GNAO1: variants seen among roughly 807,000 people sequenced by gnomAD.
The protein encoded by GNAO1 is guanine nucleotide-binding protein G(o) subunit alpha.
For missense variants in GNAO1, 166 were observed against 478.7 expected (o/e 0.35, Z 6.10); for synonymous variants, 164 against 180.7 (o/e 0.91, Z 0.74).
chr16:56,282,012 GC>G (rs1393028921), intron 3 of GNAO1, among the ~76,000 whole-genome samples: 3 of 152,176 alleles, frequency 2.0e-5, no homozygotes, highest in African/African-American at 7.2e-5. Context: ...CTTGTATGAG[GC>G]TTTATTCAGT....
intron 3 of GNAO1, among the ~76,000 whole-genome samples, chr16:56,309,279 T>C (rs1285549493): frequency 6.6e-6 from 1 of 152,186 alleles, no homozygotes; most frequent in Non-Finnish European, 1.5e-5. Flanking sequence ...CCTGCAACTG[T>C]GTCCGGGATA....
At chr16:56,241,742 C>T (rs970038351) in intron 2 of GNAO1, among the ~76,000 whole-genome samples, 4 of 152,214 alleles carry the variant, frequency 2.6e-5, no homozygotes, top group African/African-American at 9.6e-5. Context: ...TGAACCAGAC[C>T]TGCTGCTTTC....
chr16:56,335,943 G>A (rs1372848651), intron 5 of GNAO1, among the ~76,000 whole-genome samples: 4 of 152,184 alleles, frequency 2.6e-5, no homozygotes, highest in Admixed American at 6.5e-5. Flanking sequence ...CAGTCACTCC[G>A]TTGTGTCCGG....
Position 56,235,425 on chromosome 16 carries a change from C to T in GNAO1, c.162-40506C>T, listed in dbSNP as rs185094872. ...AGAACTGAAGGCCGGCGGGACACTA[C>T]GCAGTCCAGGCAAGGGGCTCTGCTG... On this transcript the variant is annotated intron_variant, in intron 2 of 8. Coordinates refer to ENST00000262493, the MANE Select transcript of GNAO1 (RefSeq NM_020988.3). The T allele has an allele frequency of 1.1e-4, 52 of 455,948 alleles. No homozygotes were observed. In the East Asian group the frequency reaches 3.0e-3, roughly 26 times the overall value. The allele number at this position is 455,948 out of a possible 1,614,324, so 28.2% of individuals were successfully genotyped here. A position where few individuals can be genotyped will look rare whatever the true frequency, so the allele number is the denominator to read the frequency against.
intron 3 of GNAO1, among the ~76,000 whole-genome samples, chr16:56,325,842 T>G (rs1375050416): frequency 6.6e-6 from 1 of 152,194 alleles, no homozygotes; most frequent in Non-Finnish European, 1.5e-5. Flanking sequence ...CCCTGCTTCT[T>G]TCTGGTAGCT....
chr16:56,287,292 C>A (rs1017965749), intron 3 of GNAO1, among the ~76,000 whole-genome samples: 3 of 152,146 alleles, frequency 2.0e-5, no homozygotes, highest in African/African-American at 7.2e-5. Context: ...CTAGTCAACA[C>A]CTCGCTTCAA....
intron 7 of GNAO1, chr16:56,352,018 G>A (rs545676912): frequency 4.4e-5 from 7 of 157,628 alleles, no homozygotes; most frequent in Admixed American, 1.9e-4. Flanking sequence ...TTTGGTGCCC[G>A]GAACATGCTT....
intron 3 of GNAO1, among the ~76,000 whole-genome samples, chr16:56,299,307 C>A (rs948436988): frequency 1.3e-5 from 2 of 152,260 alleles, no homozygotes; most frequent in Non-Finnish European, 2.9e-5. Flanking sequence ...TTTCTCACTG[C>A]TTTCTGAAGC....
intron 3 of GNAO1, 76 bp from the exon 4 acceptor site, chr16:56,328,555 G>A: frequency 6.7e-7 from 1 of 1,490,160 alleles, no homozygotes; most frequent in Non-Finnish European, 9.2e-7. Context: ...GTCCCCGCTA[G>A]GGGAGAGCCC....
intron 2 of GNAO1, among the ~76,000 whole-genome samples, chr16:56,229,007 AG>A (rs1192389440): frequency 6.6e-6 from 1 of 152,212 alleles, no homozygotes; most frequent in Non-Finnish European, 1.5e-5. Context: ...GGTACATAGT[AG>A]GAGCTCAGTA....
intron 6 of GNAO1, among the ~76,000 whole-genome samples, chr16:56,342,533 C>A (rs1596876612): frequency 6.6e-6 from 1 of 152,240 alleles, no homozygotes; most frequent in African/African-American, 2.4e-5. Flanking sequence ...TCTCCCTGAG[C>A]CTACCTGAGA....
At chr16:56,353,919 G>A (rs1388256715) in intron 7 of GNAO1, among the ~76,000 whole-genome samples, 1 of 152,216 alleles carries the variant, frequency 6.6e-6, no homozygotes, top group African/African-American at 2.4e-5. Flanking sequence ...AATTGGTGGG[G>A]ACAGAGGGCC....
rs1220815075 is a variant in GNAO1, at chr16:56,192,566, C to A, written c.119-8C>A. On this transcript the variant is annotated splice_polypyrimidine_tract_variant and splice_region_variant and intron_variant, in intron 1 of 8. Transcript: ENST00000262493. ...ACCAGTTTTTCCCCACTGTCTGTGT[C>A]CCAACAGGGGCTGGAGAATCAGGAA... 6.3e-6 allele frequency: 10 copies of A among 1,591,030 alleles called. No individual in the cohort carries two copies. The highest frequency in any genetic ancestry group is 8.6e-6 in the Non-Finnish European group (10 of 1,161,650).
chr16:56,225,498 G>T (rs1162645796), intron 2 of GNAO1, among the ~76,000 whole-genome samples: 2 of 152,190 alleles, frequency 1.3e-5, no homozygotes, highest in African/African-American at 4.8e-5. Flanking sequence ...AGCAGAAATT[G>T]TTTGGGCTCT....
At chr16:56,218,942 T>G (rs2036459674) in intron 2 of GNAO1, among the ~76,000 whole-genome samples, 2 of 152,148 alleles carry the variant, frequency 1.3e-5, no homozygotes, top group South Asian at 4.2e-4. Flanking sequence ...CTATTATCTT[T>G]TCATTGTGGG....
Position 56,336,953 on chromosome 16 carries a change from C to T in GNAO1, c.723+93C>T. 3.2e-6 allele frequency: 4 copies of T among 1,259,274 alleles called. No individual in the cohort carries two copies. In the South Asian group the frequency reaches 5.5e-5, roughly 17 times the overall value. The allele number at this position is 1,259,274 out of a possible 1,614,324, so 78.0% of individuals were successfully genotyped here. A position where few individuals can be genotyped will look rare whatever the true frequency, so the allele number is the denominator to read the frequency against. ...CTGAGCACTGGGCCTCGGGTGCCCACAATGGCTCTGGGGTCCAGCCAGCTG... is the reference window on the plus strand; with the variant it reads ...CTGAGCACTGGGCCTCGGGTGCCCATAATGGCTCTGGGGTCCAGCCAGCTG... On this transcript the variant is annotated intron_variant, in intron 6 of 8. Transcript: ENST00000262493.
At chr16:56,343,818 G>A (rs537154549) in intron 6 of GNAO1, 1 of 1,557,700 alleles carries the variant, frequency 6.4e-7, no homozygotes, top group East Asian at 2.3e-5. Context: ...ACGAGAGCAA[G>A]AACAAGTCAG....
In GNAO1 at chr16:56,275,163, G is replaced by A. The variant is rs567997837; in HGVS notation, c.162-768G>A. ...AGGATGTTAATCTTAAAATTCATTT[G>A]CTCTTTCTGGATTACTTTAGTTATA... On this transcript the variant is annotated intron_variant, in intron 2 of 8. Coordinates refer to ENST00000262493, the MANE Select transcript of GNAO1 (RefSeq NM_020988.3). 9.8e-5 allele frequency among the ~76,000 whole-genome samples: 15 copies of A among 152,350 alleles called. No homozygotes were observed. The East Asian group carries it at 1.9e-3, about 20-fold the overall frequency.
At chr16:56,236,677 A>G (rs553840612) in intron 2 of GNAO1, among the ~76,000 whole-genome samples, 75 of 152,318 alleles carry the variant, frequency 4.9e-4, no homozygotes, top group African/African-American at 1.7e-3. Flanking sequence ...CACCAGAGCA[A>G]ATTGGTCTCG....
Sources: allele counts gnomAD v4.1 joint callset (sites outside exome capture counted in the v4.1 genomes callset), GRCh38; gene constraint gnomAD v4.1.1; transcripts MANE v1.5; gene names NCBI Gene and HGNC (gene_info 2026-07-23, HGNC 2026-07-21).